Variants in OSMR observed in about 807,000 individuals in gnomAD.
The protein encoded by OSMR is oncostatin-M-specific receptor subunit beta.
OSMR carries 81 observed loss-of-function variants against 99.9 expected under a neutral mutation model. That is an observed-to-expected ratio of 0.81 (90% CI 0.68 to 0.97). The LOEUF (loss-of-function observed/expected upper bound fraction) is 0.97. Ranked by LOEUF, OSMR falls within the 50% of genes least tolerant of loss-of-function variation. The pLI, the probability that OSMR is intolerant of heterozygous loss-of-function variation, is 0.00. For missense variants in OSMR, 1,099 were observed against 1,153.4 expected (o/e 0.95, Z 0.68); for synonymous variants, 406 against 410.4 (o/e 0.99, Z 0.13).
downstream of OSMR, among the ~76,000 whole-genome samples, chr5:38,936,534 G>T (rs1425238869): frequency 2.0e-5 from 3 of 152,128 alleles, no homozygotes; most frequent in Non-Finnish European, 4.4e-5. Context: ...CTGCTGAAAC[G>T]CTTCCTACAT....
intron 7 of OSMR, 200 bp downstream of exon 7, chr5:38,886,390 C>G (rs541950116): frequency 1.4e-6 from 2 of 1,394,558 alleles, no homozygotes; most frequent in African/African-American, 2.9e-5. Context: ...AATAATGTCA[C>G]GAGCACCAAT....
rs1371568152 is a variant in OSMR, at chr5:38,928,096, GCATTTTGGT to G, written c.2212+2729_2212+2737del. On this transcript the variant is annotated intron_variant, in intron 15 of 17. Transcript: ENST00000274276. Reference sequence around the variant, plus strand: ...GACTTCATTGTTCATATCACTATCAGCATTTTGGTCATATCCATTCAACAAGCCTCTAGG... The same window carrying G: ...GACTTCATTGTTCATATCACTATCAGCATATCCATTCAACAAGCCTCTAGG... Among the ~76,000 whole-genome samples, 5 of 152,252 alleles carry G rather than the reference GCATTTTGGT, an allele frequency of 3.3e-5. No individual in the cohort carries two copies. The East Asian group carries it at 9.7e-4, about 29-fold the overall frequency.
chr5:38,942,452 A>ATTTT, intron 1 of OSMR: 27 of 564,274 alleles, frequency 4.8e-5, no homozygotes, highest in South Asian at 8.4e-5. Flanking sequence ...TAAATATCTA[A>ATTTT]TTTTTTTTTT....
chr5:38,872,007 A>T (rs1742422105), intron 2 of OSMR, among the ~76,000 whole-genome samples: 1 of 152,196 alleles, frequency 6.6e-6, no homozygotes, highest in South Asian at 2.1e-4. Flanking sequence ...GCCATACTCC[A>T]GCATTATAAA....
chr5:38,875,123 A>T (rs1344761050), intron 2 of OSMR, among the ~76,000 whole-genome samples: 1 of 152,256 alleles, frequency 6.6e-6, no homozygotes, highest in Admixed American at 6.5e-5. Context: ...CTGAATGCTT[A>T]AAAGATGATA....
intron 17 of OSMR, 90 bp downstream of exon 17, chr5:38,932,625 C>A: frequency 2.6e-6 from 4 of 1,562,628 alleles, no homozygotes; most frequent in Non-Finnish European, 3.5e-6. Context: ...CCTAGAGCTC[C>A]TCAGGAAAAT....
intron 12 of OSMR, 120 bp from the exon 13 acceptor site, chr5:38,923,030 C>G: frequency 8.4e-7 from 1 of 1,190,126 alleles, no homozygotes; most frequent in South Asian, 1.3e-5. Flanking sequence ...CCTGCCTCGG[C>G]CTCCCAAAGT....
At position 38,921,676 on chromosome 5, in the gene OSMR, C is replaced by T; in HGVS notation, c.1647C>T (p.Pro549=). 1 of 1,614,116 alleles carries T rather than the reference C, an allele frequency of 6.2e-7. No individual in the cohort carries two copies. Residue 549 remains proline, a synonymous_variant, in exon 12 of 18, where the codon CCC becomes CCT. Coordinates refer to ENST00000274276, the MANE Select transcript of OSMR (RefSeq NM_003999.3). ...TEGGFSLSWK[P]QPGDVIGYVV... The stretch of plus-strand genomic sequence containing the variant: ...GTGGATTCTCTCTGTCTTGGAAACC[C>T]CAACCTGGAGATGTTATAGGCTATG...
chr5:38,899,636 G>C (rs1744766829), intron 7 of OSMR, among the ~76,000 whole-genome samples: 1 of 152,172 alleles, frequency 6.6e-6, no homozygotes, highest in African/African-American at 2.4e-5. Flanking sequence ...GTCCTGCTCG[G>C]ACTGGGTCCT....
intron 3 of OSMR, among the ~76,000 whole-genome samples, chr5:38,878,545 A>G (rs1743012638): frequency 6.6e-6 from 1 of 152,146 alleles, no homozygotes; most frequent in African/African-American, 2.4e-5. Flanking sequence ...GATTTTGTCA[A>G]TGGCATAGGA....
chr5:38,875,457 T>C (rs540709126), intron 2 of OSMR, among the ~76,000 whole-genome samples: 1 of 152,356 alleles, frequency 6.6e-6, no homozygotes, highest in African/African-American at 2.4e-5. Context: ...GCAGTCAGCC[T>C]AAGAGATAGG....
intron 2 of OSMR, among the ~76,000 whole-genome samples, chr5:38,874,068 T>C (rs985236886): frequency 6.6e-6 from 1 of 152,174 alleles, no homozygotes; most frequent in Non-Finnish European, 1.5e-5. Context: ...TAAATTGAGT[T>C]CTTTGTCTTT....
chr5:38,940,257 G>T (rs141174635), downstream of OSMR: 473 of 229,622 alleles, frequency 2.1e-3, 9 homozygotes, highest in East Asian at 0.028. Flanking sequence ...GTGTGTGTGT[G>T]TAAGACAAAA....
chr5:38,941,869 T>TC, intron 1 of OSMR: 1 of 233,736 alleles, frequency 4.3e-6, no homozygotes, highest in South Asian at 1.8e-4. Flanking sequence ...AGACACTGAT[T>TC]CCTGCTTTCC....
intron 9 of OSMR, among the ~76,000 whole-genome samples, chr5:38,909,677 C>G (rs1745451553): frequency 6.6e-6 from 1 of 152,136 alleles, no homozygotes. Flanking sequence ...CAAGCAAATG[C>G]TAACGGAATT....
chr5:38,919,375 A>G, intron 11 of OSMR: 1 of 1,335,730 alleles, frequency 7.5e-7, no homozygotes, highest in Non-Finnish European at 9.8e-7. Flanking sequence ...TGAGAGTTGG[A>G]GTTACTATTT....
intron 4 of OSMR, among the ~76,000 whole-genome samples, chr5:38,882,532 A>G (rs1743371929): frequency 6.6e-6 from 1 of 151,662 alleles, no homozygotes; most frequent in Non-Finnish European, 1.5e-5. Context: ...CCTAGATTAC[A>G]CCACTGTACT....
chr5:38,912,475 A>G (rs879887533), intron 9 of OSMR, among the ~76,000 whole-genome samples: 7 of 152,240 alleles, frequency 4.6e-5, no homozygotes, highest in Non-Finnish European at 7.4e-5. Flanking sequence ...GGAAGAATCA[A>G]TATCATTAAA....
chr5:38,887,628 C>T (rs1322431732), intron 7 of OSMR, among the ~76,000 whole-genome samples: 2 of 152,142 alleles, frequency 1.3e-5, no homozygotes, highest in African/African-American at 4.8e-5. Context: ...GGATAAGTCT[C>T]TCACCCTATT....
Sources: gnomAD v4.1 joint callset for allele counts (sites outside exome capture counted in the v4.1 genomes callset) on GRCh38, gnomAD v4.1.1 for gene constraint, MANE v1.5 for transcripts, NCBI Gene and HGNC (gene_info 2026-07-23, HGNC 2026-07-21) for gene names.